PAPPA2: variants seen among roughly 807,000 people sequenced by gnomAD.
The protein encoded by PAPPA2 is pappalysin-2.
A neutral mutation model predicts 176.4 loss-of-function variants in PAPPA2; 86 were observed. That is an observed-to-expected ratio of 0.49 (90% confidence interval 0.41 to 0.58). The LOEUF (loss-of-function observed/expected upper bound fraction) is 0.58, where lower values mean the gene tolerates loss of function less well. PAPPA2 is among the 20% of genes least tolerant of loss of function. The pLI is 0.00. For synonymous variants in PAPPA2, 809 were observed against 852.2 expected (o/e 0.95, Z 0.88); for missense variants, 2,073 against 2,256.9 (o/e 0.92, Z 1.65).
chr1:176,466,310 A>G (rs1651617522), intron 1 of PAPPA2, among the ~76,000 whole-genome samples: 1 of 152,180 alleles, frequency 6.6e-6, no homozygotes, highest in East Asian at 1.9e-4. Context: ...AAGAGGTTGG[A>G]CTGAGTGAGT....
chr1:176,660,719 A>C (rs1051320469), intron 3 of PAPPA2, among the ~76,000 whole-genome samples: 59 of 152,116 alleles, frequency 3.9e-4, no homozygotes, highest in Non-Finnish European at 8.8e-5. Context: ...TCCTCTAGAA[A>C]ATTCAACAAA....
chr1:176,518,161 C>T (rs1215300548), intron 1 of PAPPA2, among the ~76,000 whole-genome samples: 2 of 152,168 alleles, frequency 1.3e-5, no homozygotes, highest in Non-Finnish European at 2.9e-5. Context: ...TCATGTACTA[C>T]TTCTTTCTAT....
chr1:176,581,913 TCTTTCTTTC>T (rs1652994649), intron 2 of PAPPA2, among the ~76,000 whole-genome samples: 1 of 130,916 alleles, frequency 7.6e-6, no homozygotes, highest in African/African-American at 3.1e-5. Context: ...TTTCTTTCTT[TCTTTCTTTC>T]TTTTTTTTTT....
rs1651315079 is a variant in PAPPA2, at chr1:176,556,651, A to G, written c.329A>G (p.Asp110Gly). The G allele has an allele frequency of 6.2e-7, 1 of 1,614,064 alleles. No individual in the cohort carries two copies. The highest frequency in any genetic ancestry group is 8.5e-7 in the Non-Finnish European group (1 of 1,180,026). ...EGNAVSLVPP[D>G]LTENPAGLRG... is the part of the protein sequence containing the mutation. ...AATGCTGTGAGCCTTGTTCCCCCAG[A>G]CCTGACTGAAAATCCAGCAGGACTG... Residue 110 changes from aspartate to glycine, a missense_variant, in exon 2 of 23, where the codon GAC becomes GGC. Transcript: ENST00000367662.
intron 20 of PAPPA2, among the ~76,000 whole-genome samples, chr1:176,795,881 T>C (rs1399831536): frequency 6.6e-6 from 1 of 152,234 alleles, no homozygotes; most frequent in Non-Finnish European, 1.5e-5. Flanking sequence ...TCTCCAGTTA[T>C]ATCAAATCTT....
chr1:176,796,247 A>G (rs2102944289), intron 20 of PAPPA2, among the ~76,000 whole-genome samples: 1 of 152,322 alleles, frequency 6.6e-6, no homozygotes, highest in South Asian at 2.1e-4. Context: ...AGGAGAGTAG[A>G]CAAGAGCGTC....
At chr1:176,553,242 T>G in intron 1 of PAPPA2, among the ~76,000 whole-genome samples, 2 of 61,874 alleles carry the variant, frequency 3.2e-5, no homozygotes, top group South Asian at 5.8e-4. Context: ...GGCTGAGCGG[T>G]GGGTAAGGCA....
intron 3 of PAPPA2, among the ~76,000 whole-genome samples, chr1:176,629,208 TC>T (rs1382276418): frequency 9.9e-5 from 15 of 152,176 alleles, no homozygotes; most frequent in Admixed American, 8.5e-4. Context: ...AGAAGGTGTT[TC>T]CCCCATCAAT....
intron 12 of PAPPA2, among the ~76,000 whole-genome samples, chr1:176,730,599 G>GTTT (rs58801431): frequency 5.6e-5 from 8 of 142,932 alleles, no homozygotes; most frequent in Middle Eastern, 3.5e-3. Flanking sequence ...TTTGTTTTTT[G>GTTT]TTTTTTTTTT....
chr1:176,503,433 C>A (rs34276133), intron 1 of PAPPA2, among the ~76,000 whole-genome samples: 9,527 of 152,176 alleles, frequency 0.063, 326 homozygotes, highest in African/African-American at 0.082. Flanking sequence ...CCATAATTTG[C>A]CATGTAACAC....
intron 3 of PAPPA2, among the ~76,000 whole-genome samples, chr1:176,667,258 G>GA (rs923488875): frequency 1.1e-4 from 17 of 148,490 alleles, no homozygotes; most frequent in South Asian, 2.2e-4. Context: ...AAAAAAAAAA[G>GA]AAAAAAAAAG....
intron 20 of PAPPA2, among the ~76,000 whole-genome samples, chr1:176,796,541 G>T (rs760177804): frequency 1.3e-5 from 2 of 151,998 alleles, no homozygotes; most frequent in Non-Finnish European, 2.9e-5. Context: ...ACCAGGCAAC[G>T]GCCTTCATGG....
At chr1:176,811,117 A>G (rs918992205) in intron 21 of PAPPA2, among the ~76,000 whole-genome samples, 2 of 152,184 alleles carry the variant, frequency 1.3e-5, no homozygotes, top group African/African-American at 2.4e-5. Flanking sequence ...ATGGACTTAG[A>G]AGTGTGACCA....
At chr1:176,716,604 T>TA (rs1222304354) in intron 12 of PAPPA2, among the ~76,000 whole-genome samples, 1 of 120,716 alleles carries the variant, frequency 8.3e-6, no homozygotes, top group African/African-American at 2.8e-5. Flanking sequence ...CCTTCCTTCT[T>TA]TTTTTTTTTT....
intron 12 of PAPPA2, among the ~76,000 whole-genome samples, chr1:176,735,745 A>G (rs144007604): frequency 6.7e-6 from 1 of 149,878 alleles, no homozygotes. Context: ...TCTATCATCT[A>G]TCTGTCTGTC....
chr1:176,833,576 A>G (rs1051331892), intron 21 of PAPPA2, among the ~76,000 whole-genome samples: 1 of 152,046 alleles, frequency 6.6e-6, no homozygotes, highest in African/African-American at 2.4e-5. Context: ...GGCCTTTGGG[A>G]AATGTTCTTT....
In PAPPA2 at chr1:176,595,454, G is replaced by A. The variant is rs541683741; in HGVS notation, c.1850G>A (p.Arg617His). 1.1e-5 allele frequency: 17 copies of A among 1,614,198 alleles called. No individual in the cohort carries two copies. Among genetic ancestry groups the A allele is most frequent in the Admixed American group, 5.0e-5 (3 of 60,030 alleles). ...YDGGDCRLQG[R>H]CYSWNRRDGL... ...GGGGGTGACTGCCGCCTGCAGGGCC[G>A]CTGCTACTCCTGGAACCGCAGGGAT... Residue 617 changes from arginine to histidine, a missense_variant, in exon 3 of 23, where the codon CGC becomes CAC. Physicochemically the swap from Arg to His is conservative, Grantham distance 29 (BLOSUM62 0). Transcript: ENST00000367662.
chr1:176,539,154 C>T (rs1202857252), intron 1 of PAPPA2, among the ~76,000 whole-genome samples: 19 of 152,186 alleles, frequency 1.2e-4, no homozygotes, highest in Non-Finnish European at 1.5e-5. Flanking sequence ...GGTGCTGGTG[C>T]AGTTAGGCAG....
chr1:176,511,193 C>G (rs1648580108), intron 1 of PAPPA2, among the ~76,000 whole-genome samples: 1 of 152,112 alleles, frequency 6.6e-6, no homozygotes, highest in Non-Finnish European at 1.5e-5. Flanking sequence ...AAAAAATATA[C>G]CATTCAAACA....
Sources: allele counts gnomAD v4.1 joint callset (sites outside exome capture counted in the v4.1 genomes callset), GRCh38; gene constraint gnomAD v4.1.1; transcripts MANE v1.5; gene names NCBI Gene and HGNC (gene_info 2026-07-23, HGNC 2026-07-21).